Variants in AREL1 observed in about 807,000 individuals in gnomAD.
AREL1 encodes apoptosis resistant E3 ubiquitin protein ligase 1, also known as apoptosis-resistant E3 ubiquitin protein ligase 1.
AREL1 carries 62 observed loss-of-function variants against 99.0 expected under a neutral mutation model. The observed-to-expected ratio is 0.63, with a 90% CI of 0.51 to 0.77. The LOEUF is 0.77. AREL1 is among the 30% of genes least tolerant of loss of function. The probability of loss-of-function intolerance (pLI) is 0.00; values close to 1 mark genes in which losing one functional copy is unlikely to be tolerated. For missense variants in AREL1, 879 were observed against 1,027.6 expected, an observed-to-expected ratio of 0.86 and a Z score of 1.98; for synonymous variants, 380 against 376.5, an observed-to-expected ratio of 1.01 and a Z score of -0.11.
rs773658979 is a variant in AREL1 at position 74,692,295 on chromosome 14, G to T, written c.-300C>A. The stretch of plus-strand genomic sequence containing the variant: ...ATTCCTGGACTTCTCTCTAGTGCAG[G>T]GTGCAATCGACTGCCAAAGGACGCC... On this transcript the variant is annotated 5_prime_UTR_variant, in exon 2 of 20. Transcript: ENST00000356357. 4.4e-6 allele frequency: 2 copies of T among 454,054 alleles called. No individual in the cohort carries two copies. The highest frequency in any genetic ancestry group is 2.0e-5 in the African/African-American group (1 of 49,868). 28.1% of individuals were successfully genotyped at this position (454,054 alleles called of 1,614,324 possible).
At chr14:74,706,204 T>C (rs537973422) in intron 1 of AREL1, among the ~76,000 whole-genome samples, 25 of 152,298 alleles carry the variant, frequency 1.6e-4, no homozygotes, top group African/African-American at 6.0e-4. Flanking sequence ...CACTGAATCT[T>C]GGCTATAACA....
chr14:74,670,850 C>G lies in AREL1; in HGVS notation c.1520G>C (p.Arg507Pro). Residue 507 changes from arginine to proline, a missense_variant, in exon 13 of 20, where the codon CGC becomes CCC. Transcript: ENST00000356357. Reference protein sequence around the residue: ...DEEALDWGGPRREWFELICKA... With the variant: ...DEEALDWGGPPREWFELICKA... Reference sequence around the variant, plus strand: ...GCAGATTAGCTCAAACCATTCCCGGCGAGGCCCTCCCCAGTCCAGAGCTGA... The same window carrying G: ...GCAGATTAGCTCAAACCATTCCCGGGGAGGCCCTCCCCAGTCCAGAGCTGA... The G allele has an allele frequency of 6.2e-7, 1 of 1,614,028 alleles. No homozygotes were observed. Among genetic ancestry groups the G allele is most frequent in the Non-Finnish European group, 8.5e-7 (1 of 1,179,974 alleles).
rs371025102 is a variant in AREL1, at chr14:74,662,248, C to T, written c.*1472G>A. 1.3e-5 allele frequency: 3 copies of T among 233,760 alleles called. No homozygotes were observed. The highest frequency in any genetic ancestry group is 5.7e-5 in the Admixed American group (1 of 17,650). The allele number at this position is 233,760 out of a possible 1,614,324, so 14.5% of individuals were successfully genotyped here. A position where few individuals can be genotyped will look rare whatever the true frequency, so the allele number is the denominator to read the frequency against. ...GAGGGCTTGTTCCTCATGATCCCTGCGAACAGGAGGGCTCAGACATGCTTC... is the reference window on the plus strand; with the variant it reads ...GAGGGCTTGTTCCTCATGATCCCTGTGAACAGGAGGGCTCAGACATGCTTC... On this transcript the variant is annotated 3_prime_UTR_variant, in exon 20 of 20. Transcript: ENST00000356357.
intron 2 of AREL1, 66 bp from the exon 3 acceptor site, chr14:74,685,726 C>A (rs963448357): frequency 1.1e-5 from 15 of 1,420,800 alleles, no homozygotes; most frequent in Admixed American, 1.8e-5. Context: ...CAGAGTAAGA[C>A]AAAGAAGAGT....
rs531914089 is a variant in AREL1 at position 74,684,590 on chromosome 14, T to C, written c.107A>G (p.Glu36Gly). Residue 36 changes from glutamate (E) to glycine (G), a missense_variant, in exon 4 of 20, where the codon GAG becomes GGG. Transcript: ENST00000356357. ...AARVVSFLQN[E>G]DRERRGDRTI... ...CCGGTCCCCTCGGCGCTCGCGGTCCTCATTCTGGAGGAAGCTGACTACACG... is the reference window on the plus strand; with the variant it reads ...CCGGTCCCCTCGGCGCTCGCGGTCCCCATTCTGGAGGAAGCTGACTACACG... 5.0e-6 allele frequency: 8 copies of C among 1,614,174 alleles called. No individual in the cohort carries two copies. In the East Asian group the frequency reaches 1.8e-4, roughly 36 times the overall value.
intron 15 of AREL1, 92 bp from the exon 16 acceptor site, chr14:74,667,686 A>G: frequency 6.8e-7 from 1 of 1,463,648 alleles, no homozygotes; most frequent in Non-Finnish European, 9.1e-7. Context: ...GACACAGATT[A>G]CTGACCTCCA....
At chr14:74,694,082 G>A (rs536413575) in intron 1 of AREL1, among the ~76,000 whole-genome samples, 83 of 152,264 alleles carry the variant, frequency 5.5e-4, no homozygotes, top group Non-Finnish European at 1.1e-3. Flanking sequence ...AGGCTGAGGT[G>A]GGGGTTGGCT....
At chr14:74,687,785 G>A (rs1462981578) in intron 2 of AREL1, among the ~76,000 whole-genome samples, 12 of 152,102 alleles carry the variant, frequency 7.9e-5, no homozygotes, top group Admixed American at 7.9e-4. Context: ...CAATAGTAGC[G>A]CCAGTATCAC....
chr14:74,702,818 G>C (rs1029961603), intron 1 of AREL1, among the ~76,000 whole-genome samples: 1 of 152,114 alleles, frequency 6.6e-6, no homozygotes, highest in Admixed American at 6.5e-5. Flanking sequence ...CAGATTTCTA[G>C]GGCAGGAGCA....
intron 13 of AREL1, 197 bp downstream of exon 13, chr14:74,670,565 A>C: frequency 1.8e-6 from 1 of 543,048 alleles, no homozygotes; most frequent in South Asian, 2.6e-5. Flanking sequence ...AGCTGCCTGC[A>C]TTTTTGCTTA....
At chr14:74,682,134 G>A (rs2089644141) in intron 5 of AREL1, among the ~76,000 whole-genome samples, 1 of 152,216 alleles carries the variant, frequency 6.6e-6, no homozygotes, top group Admixed American at 6.5e-5. Flanking sequence ...ATCTGAGTGA[G>A]GCACTTAAGC....
intron 1 of AREL1, among the ~76,000 whole-genome samples, chr14:74,693,264 A>G (rs1284495300): frequency 1.3e-5 from 2 of 152,214 alleles, no homozygotes; most frequent in Non-Finnish European, 2.9e-5. Flanking sequence ...CTTCGTGCCC[A>G]CATATGCATT....
chr14:74,686,043 C>G (rs1304320975), intron 2 of AREL1, among the ~76,000 whole-genome samples: 1 of 152,142 alleles, frequency 6.6e-6, no homozygotes, highest in Non-Finnish European at 1.5e-5. Flanking sequence ...TCACTTTCCC[C>G]TTATGTTTGC....
chr14:74,671,386 A>C, intron 12 of AREL1, 22 bp downstream of exon 12: 1 of 1,169,684 alleles, frequency 8.5e-7, no homozygotes, highest in Non-Finnish European at 1.2e-6. Flanking sequence ...CAAAAAGATG[A>C]ATATAAAATT....
chr14:74,663,559 A>T lies in AREL1; in HGVS notation c.*161T>A, dbSNP rs1315976581. The T allele has an allele frequency of 1.6e-5, 12 of 745,522 alleles. No homozygotes were observed. Among genetic ancestry groups the T allele is most frequent in the Non-Finnish European group, 2.8e-5 (12 of 431,898 alleles). The allele number at this position is 745,522 out of a possible 1,614,324, so 46.2% of individuals were successfully genotyped here. A position where few individuals can be genotyped will look rare whatever the true frequency, so the allele number is the denominator to read the frequency against. ...GATATGGGCAGGGAGCAGGTGAGGT[A>T]AAGACAAGGCTTGTAGGTGACAAAA... On this transcript the variant is annotated 3_prime_UTR_variant, in exon 20 of 20. Transcript: ENST00000356357.
At chr14:74,705,004 G>A (rs1032912128) in intron 1 of AREL1, among the ~76,000 whole-genome samples, 5 of 151,006 alleles carry the variant, frequency 3.3e-5, no homozygotes, top group Non-Finnish European at 7.4e-5. Context: ...ATTCAATGCT[G>A]CACATTACCA....
rs376065898 is a variant in AREL1 at position 74,674,066 on chromosome 14, G to C, written c.1126C>G (p.Leu376Val). The change falls in exon 9 of 20, where the codon CTT (leucine) becomes GTT (valine). Residue 376 changes from leucine to valine, a missense_variant. Leu to Val is a conservative substitution (Grantham distance 32). Coordinates refer to ENST00000356357, the MANE Select transcript of AREL1 (RefSeq NM_001039479.2). ...EFYLKIIPWR[L>V]YTFRVCPGTK... ...CCTGGACACACTCGGAAGGTGTAAAGGCGCCAGGGGATGATCTTCAGGTAG... is the reference window on the plus strand; with the variant it reads ...CCTGGACACACTCGGAAGGTGTAAACGCGCCAGGGGATGATCTTCAGGTAG... The C allele has an allele frequency of 9.9e-6, 16 of 1,613,746 alleles. No homozygotes were observed. Among genetic ancestry groups the C allele is most frequent in the Non-Finnish European group, 1.4e-5 (16 of 1,179,828 alleles).
At chr14:74,665,016 T>C in intron 17 of AREL1, 91 bp from the exon 18 acceptor site, 4 of 1,001,444 alleles carry the variant, frequency 4.0e-6, no homozygotes, top group Non-Finnish European at 6.1e-6. Flanking sequence ...AGGCAAAATG[T>C]AGAAGAAAAC....
chr14:74,711,573 T>C (rs2090290163), intron 1 of AREL1, among the ~76,000 whole-genome samples: 1 of 151,844 alleles, frequency 6.6e-6, no homozygotes, highest in Admixed American at 6.6e-5. Context: ...TAAAATAAAA[T>C]TGGCATAAAA....
Sources: allele counts gnomAD v4.1 joint callset (sites outside exome capture counted in the v4.1 genomes callset), GRCh38; gene constraint gnomAD v4.1.1; transcripts MANE v1.5; gene names NCBI Gene and HGNC (gene_info 2026-07-23, HGNC 2026-07-21).